RALY: variants seen among roughly 807,000 people sequenced by gnomAD.
RALY encodes the protein RALY heterogeneous nuclear ribonucleoprotein.
Under a neutral mutation model 30.7 loss-of-function variants are expected in RALY, and 15 were observed. The ratio of observed to expected loss-of-function variants is 0.49; its 90% confidence interval spans 0.33 to 0.75. The LOEUF is 0.75. Among genes scored for constraint, RALY ranks in the 30% least tolerant of loss-of-function variants. The pLI is 0.02. For synonymous variants in RALY, 177 were observed against 170.8 expected, an observed-to-expected ratio of 1.04 and a Z score of -0.28; for missense variants, 339 against 414.3, an observed-to-expected ratio of 0.82 and a Z score of 1.58.
At chr20:34,055,090 G>T (rs1411532024) in intron 2 of RALY, among the ~76,000 whole-genome samples, 1 of 152,062 alleles carries the variant, frequency 6.6e-6, no homozygotes, top group Non-Finnish European at 1.5e-5. Context: ...GCACAGAGAG[G>T]TTAAATCATT....
At chr20:34,035,175 A>AC (rs1555804037) in intron 2 of RALY, among the ~76,000 whole-genome samples, 2 of 138,792 alleles carry the variant, frequency 1.4e-5, no homozygotes, top group South Asian at 2.2e-4. Context: ...AAAAAAAAAA[A>AC]AAAAAAAAAA....
chr20:34,045,290 AAG>A (rs1568676991), intron 2 of RALY, among the ~76,000 whole-genome samples: 1 of 152,236 alleles, frequency 6.6e-6, no homozygotes, highest in Non-Finnish European at 1.5e-5. Flanking sequence ...ATTATGAAGA[AAG>A]ATAAGCAGGA....
At position 34,075,917 on chromosome 20, in the gene RALY, A is replaced by C. The variant is rs139003284; in HGVS notation, c.421A>C (p.Arg141=). ...RGRLSPVPVP[R]AVPVKRPRVT... ...CCGTCTGTCGCCCGTGCCAGTGCCC[A>C]GGGCGGTCCCTGTGAAGCGACCCCG... Residue 141 remains arginine, a synonymous_variant, in exon 6 of 10, where the codon AGG becomes CGG. Coordinates refer to ENST00000246194, the MANE Select transcript of RALY (RefSeq NM_016732.3). The C allele has an allele frequency of 3.1e-6, 5 of 1,614,102 alleles. No individual in the cohort carries two copies. The highest frequency in any genetic ancestry group is 4.2e-6 in the Non-Finnish European group (5 of 1,179,990).
At chr20:34,077,580 C>T in intron 8 of RALY, 3 of 413,108 alleles carry the variant, frequency 7.3e-6, no homozygotes, top group Non-Finnish European at 1.3e-5. Context: ...GCTGGGGTGG[C>T]TTGTGGAGGC....
In RALY at chr20:34,072,311, G is replaced by A. The variant is rs542541161; in HGVS notation, c.237G>A (p.Val79=). ...CTGTGCTGGGAGAGAATGGGCGGGT[G>A]CTGGCCGGGCAGACCCTGGGTAAGC... ...RAAVLGENGR[V]LAGQTLDINM... The change falls in exon 3 of 10, where the codon GTG becomes GTA. Residue 79 remains valine (V), a synonymous_variant. Transcript: ENST00000246194. 1.9e-6 allele frequency: 3 copies of A among 1,612,896 alleles called. No homozygotes were observed. The highest frequency in any genetic ancestry group is 2.5e-6 in the Non-Finnish European group (3 of 1,179,968).
chr20:34,073,481 TTGC>T, intron 3 of RALY, 79 bp from the exon 4 acceptor site: 2 of 1,291,100 alleles, frequency 1.5e-6, no homozygotes, highest in Non-Finnish European at 2.2e-6. Context: ...AGCACATGAA[TTGC>T]TGTGCGTGTG....
intron 2 of RALY, among the ~76,000 whole-genome samples, chr20:34,037,704 A>T (rs1007185414): frequency 3.9e-5 from 6 of 152,246 alleles, no homozygotes. Flanking sequence ...TGGATAGTGT[A>T]CAAATGTACA....
At chr20:34,014,854 A>G (rs1412219312) in intron 1 of RALY, 1 of 152,218 alleles carries the variant, frequency 6.6e-6, no homozygotes, top group Admixed American at 6.5e-5. Flanking sequence ...AATATCTGGA[A>G]AGTATCTTGA....
At chr20:34,016,083 G>C (rs1199118519) in intron 1 of RALY, among the ~76,000 whole-genome samples, 1 of 151,998 alleles carries the variant, frequency 6.6e-6, no homozygotes, top group Admixed American at 6.6e-5. Flanking sequence ...CTGCGCACAA[G>C]TCCTCCCCTC....
chr20:34,034,948 C>T (rs1375422507), intron 2 of RALY, among the ~76,000 whole-genome samples: 2 of 151,852 alleles, frequency 1.3e-5, no homozygotes, highest in Non-Finnish European at 2.9e-5. Context: ...GTCAGGAGAT[C>T]GAGACCATCC....
At chr20:34,019,992 C>T (rs11907956) in intron 1 of RALY, among the ~76,000 whole-genome samples, 119 of 151,900 alleles carry the variant, frequency 7.8e-4, no homozygotes, top group African/African-American at 2.7e-3. Flanking sequence ...ACCCGGGAGG[C>T]GGAGCTTGCA....
chr20:34,052,122 C>T (rs1318900608), intron 2 of RALY, among the ~76,000 whole-genome samples: 2 of 152,142 alleles, frequency 1.3e-5, no homozygotes, highest in Admixed American at 6.5e-5. Flanking sequence ...GTGTCTTCCT[C>T]AGAAGAGATG....
In RALY at chr20:34,078,538, G is replaced by A; in HGVS notation, c.910G>A (p.Ala304Thr). The A allele has an allele frequency of 6.3e-7, 1 of 1,588,464 alleles. No homozygotes were observed. The highest frequency in any genetic ancestry group is 1.1e-5 in the South Asian group (1 of 87,026). ...HSQDTDADDG[A>T]LQ ...CCAGGACACAGACGCGGATGATGGG[G>A]CCTTGCAGTAAGCAGGTACAGGGGT... The change falls in exon 9 of 10, where the codon GCC becomes ACC. Residue 304 changes from alanine to threonine, a missense_variant. Coordinates refer to ENST00000246194, the MANE Select transcript of RALY (RefSeq NM_016732.3).
At chr20:34,006,660 T>A (rs1362912907) in intron 1 of RALY, among the ~76,000 whole-genome samples, 2 of 152,212 alleles carry the variant, frequency 1.3e-5, no homozygotes. Context: ...CATTGTATAT[T>A]TAGGTGCACA....
Position 34,084,071 on chromosome 20 carries a change from A to C in RALY, c.*4166A>C, listed in dbSNP as rs1448061615. 6.6e-6 allele frequency: 1 copy of C among 152,228 alleles called. No homozygotes were observed. Among genetic ancestry groups the C allele is most frequent in the Non-Finnish European group, 1.5e-5 (1 of 68,040 alleles). The allele number at this position is 152,228 out of a possible 1,614,324, so 9.4% of individuals were successfully genotyped here. On this transcript the variant is annotated 3_prime_UTR_variant, in exon 10 of 10. Transcript: ENST00000246194. ...GTTACAAGTTACAGAAACTGAATTC[A>C]GTCCTGCTTAGTGGGAGGAAGTTTA...
chr20:34,069,643 A>G (rs770224120), intron 2 of RALY, among the ~76,000 whole-genome samples: 3 of 152,218 alleles, frequency 2.0e-5, no homozygotes, highest in African/African-American at 7.2e-5. Flanking sequence ...ATGGCTTGTC[A>G]TCCATGTAGG....
At chr20:34,071,434 C>T (rs1240731794) in intron 2 of RALY, among the ~76,000 whole-genome samples, 2 of 151,990 alleles carry the variant, frequency 1.3e-5, no homozygotes, top group Non-Finnish European at 2.9e-5. Context: ...CCCGCCACCA[C>T]GCCTGGCTAA....
chr20:34,052,813 C>T (rs1457604602), intron 2 of RALY, among the ~76,000 whole-genome samples: 1 of 152,162 alleles, frequency 6.6e-6, no homozygotes, highest in East Asian at 1.9e-4. Flanking sequence ...CTACTAAGAA[C>T]TAAGCTCTGA....
chr20:34,026,024 C>T (rs1005403285), intron 1 of RALY, among the ~76,000 whole-genome samples: 2 of 147,920 alleles, frequency 1.4e-5, no homozygotes, highest in African/African-American at 2.5e-5. Flanking sequence ...CCACAAGGAA[C>T]GATATACTCC....
Sources: allele counts gnomAD v4.1 joint callset (sites outside exome capture counted in the v4.1 genomes callset), GRCh38; gene constraint gnomAD v4.1.1; transcripts MANE v1.5; gene names NCBI Gene and HGNC (gene_info 2026-07-23, HGNC 2026-07-21).